TARS3: variants seen among roughly 807,000 people sequenced by gnomAD.
The protein encoded by TARS3 is threonyl-tRNA synthetase 3, also known as threonine--tRNA ligase 2, cytoplasmic.
TARS3 carries 94 observed loss-of-function variants against 103.5 expected under a neutral mutation model. That is an observed-to-expected ratio of 0.91 (90% CI 0.77 to 1.08). The LOEUF (loss-of-function observed/expected upper bound fraction) is 1.08, where lower values mean the gene tolerates loss of function less well. Among genes scored for constraint, TARS3 ranks in the 50% least tolerant of loss-of-function variants. The pLI is 0.00. For missense variants in TARS3, 952 were observed against 995.2 expected, an observed-to-expected ratio of 0.96 and a Z score of 0.58; for synonymous variants, 416 against 355.4, an observed-to-expected ratio of 1.17 and a Z score of -1.92.
At chr15:101,682,655 T>C (rs937516055) in intron 12 of TARS3, among the ~76,000 whole-genome samples, 2 of 152,194 alleles carry the variant, frequency 1.3e-5, no homozygotes, top group African/African-American at 4.8e-5. Flanking sequence ...ATTAGCTTCA[T>C]GAGGTGGTGA....
intron 3 of TARS3, among the ~76,000 whole-genome samples, chr15:101,719,279 G>A (rs1473327149): frequency 7.2e-5 from 11 of 152,230 alleles, no homozygotes; most frequent in African/African-American, 2.4e-5. Context: ...TGTGGTGTGA[G>A]CAGACTTGTC....
intron 4 of TARS3, among the ~76,000 whole-genome samples, chr15:101,712,741 G>C (rs962290618): frequency 1.3e-5 from 2 of 152,150 alleles, no homozygotes; most frequent in African/African-American, 4.8e-5. Flanking sequence ...AATAAATATA[G>C]GTACCAAAGG....
rs1230320318 is a variant in TARS3 at position 101,702,357 on chromosome 15, G to A, written c.1103C>T (p.Pro368Leu). The A allele has an allele frequency of 4.3e-6, 7 of 1,613,670 alleles. No homozygotes were observed. The East Asian group carries it at 8.9e-5, about 21-fold the overall frequency. Residue 368 changes from proline (P) to leucine (L), a missense_variant, in exon 9 of 19, where the codon CCG (proline) becomes CTG (leucine). Coordinates refer to ENST00000335968, the MANE Select transcript of TARS3 (RefSeq NM_152334.3). ...GATCCTCTGCAATGTTTCCATTTCCGGATTGCCCTCCCAATATGTTGAGGA... is the reference window on the plus strand; with the variant it reads ...GATCCTCTGCAATGTTTCCATTTCCAGATTGCCCTCCCAATATGTTGAGGA... ...KNSSTYWEGN[P>L]EMETLQRIYG... is the part of the protein sequence containing the mutation.
At chr15:101,712,188 C>T (rs879611776) in intron 4 of TARS3, among the ~76,000 whole-genome samples, 187 bp from the exon 5 acceptor site, 2 of 152,224 alleles carry the variant, frequency 1.3e-5, no homozygotes, top group Non-Finnish European at 2.9e-5. Flanking sequence ...CCCTCCCTGA[C>T]ATTCCACCGG....
In TARS3 at chr15:101,721,322, C is replaced by A; in HGVS notation, c.370G>T (p.Val124Leu). 1 of 1,606,928 alleles carries A rather than the reference C, an allele frequency of 6.2e-7. No homozygotes were observed. Among genetic ancestry groups the A allele is most frequent in the East Asian group, 2.2e-5 (1 of 44,700 alleles). ...TTTATGAAAATTGGTTGATGCTTCACCTGGAAATTATTAGAACATAATGAG... is the reference window on the plus strand; with the variant it reads ...TTTATGAAAATTGGTTGATGCTTCAACTGGAAATTATTAGAACATAATGAG... ...KMKESEADSEVKHQPIFIKER... is the reference protein window; with the variant it reads ...KMKESEADSELKHQPIFIKER... The change falls in exon 3 of 19, where the codon GTG becomes TTG. Residue 124 changes from valine to leucine, a missense_variant and splice_region_variant. Coordinates refer to ENST00000335968, the MANE Select transcript of TARS3 (RefSeq NM_152334.3).
chr15:101,660,351 C>A (rs1180992199), intron 16 of TARS3, among the ~76,000 whole-genome samples: 1 of 152,224 alleles, frequency 6.6e-6, no homozygotes, highest in African/African-American at 2.4e-5. Flanking sequence ...ATGTTGTCTG[C>A]CAGCTGGTGC....
chr15:101,718,768 G>T (rs1900296566), intron 3 of TARS3, among the ~76,000 whole-genome samples: 1 of 152,208 alleles, frequency 6.6e-6, no homozygotes, highest in African/African-American at 2.4e-5. Flanking sequence ...CTATCTAGAA[G>T]ATTCTTTAAG....
chr15:101,666,047 T>C (rs543548), intron 15 of TARS3, among the ~76,000 whole-genome samples: 53,145 of 152,046 alleles, frequency 0.35, 10,150 homozygotes, highest in Non-Finnish European at 0.44. Flanking sequence ...GGAGCAGTAA[T>C]GTTCTAATAT....
At chr15:101,668,609 G>C (rs980303722) in intron 15 of TARS3, among the ~76,000 whole-genome samples, 3 of 152,264 alleles carry the variant, frequency 2.0e-5, no homozygotes, top group Non-Finnish European at 4.4e-5. Context: ...TTGACACAGG[G>C]CTGCCACAAA....
intron 7 of TARS3, among the ~76,000 whole-genome samples, chr15:101,704,806 A>G (rs1048070549): frequency 3.3e-5 from 5 of 152,218 alleles, no homozygotes; most frequent in Admixed American, 3.3e-4. Flanking sequence ...CTCAAGCATT[A>G]GAAGCCAGAA....
intron 13 of TARS3, among the ~76,000 whole-genome samples, chr15:101,675,206 T>C (rs1897972247): frequency 6.6e-6 from 1 of 152,166 alleles, no homozygotes; most frequent in South Asian, 2.1e-4. Flanking sequence ...CGAAGGGGAC[T>C]ATGCACATCT....
At chr15:101,654,969 G>C (rs912892500) in intron 18 of TARS3, among the ~76,000 whole-genome samples, 3 of 152,326 alleles carry the variant, frequency 2.0e-5, no homozygotes, top group Admixed American at 6.5e-5. Context: ...GCAGATGAGA[G>C]GGGGGAGCTC....
intron 18 of TARS3, among the ~76,000 whole-genome samples, chr15:101,655,287 C>T (rs1189506371): frequency 1.4e-5 from 2 of 138,756 alleles, no homozygotes; most frequent in Non-Finnish European, 1.5e-5. Context: ...AGTGACTCCA[C>T]CTGGCACTAG....
chr15:101,698,999 C>G (rs1346708256), intron 10 of TARS3, among the ~76,000 whole-genome samples: 1 of 152,138 alleles, frequency 6.6e-6, no homozygotes, highest in Non-Finnish European at 1.5e-5. Context: ...CCGGCCCTAA[C>G]CCAGTGCAAT....
intron 6 of TARS3, among the ~76,000 whole-genome samples, chr15:101,706,759 TAAAG>T (rs975601724): frequency 2.0e-5 from 3 of 152,206 alleles, no homozygotes; most frequent in South Asian, 2.1e-4. Context: ...AATAACTACT[TAAAG>T]AAGCTAGTTG....
chr15:101,681,969 T>C (rs986872165), intron 12 of TARS3, among the ~76,000 whole-genome samples: 1 of 152,226 alleles, frequency 6.6e-6, no homozygotes, highest in Non-Finnish European at 1.5e-5. Context: ...GAAATGCATA[T>C]ACAATTCATT....
intron 5 of TARS3, among the ~76,000 whole-genome samples, chr15:101,710,143 AAAC>A (rs770793005): frequency 6.6e-6 from 1 of 152,174 alleles, no homozygotes; most frequent in Non-Finnish European, 1.5e-5. Flanking sequence ...TAAAATCCCT[AAAC>A]AACAAGATTC....
At chr15:101,703,175 A>C (rs553063803) in intron 8 of TARS3, among the ~76,000 whole-genome samples, 4 of 152,250 alleles carry the variant, frequency 2.6e-5, no homozygotes, top group Non-Finnish European at 4.4e-5. Context: ...TTACAACATC[A>C]TATCCCCTCC....
chr15:101,723,953 CG>C, intron 1 of TARS3, 137 bp downstream of exon 1: 7 of 801,488 alleles, frequency 8.7e-6, no homozygotes, highest in Non-Finnish European at 1.2e-5. Flanking sequence ...CAGGGCAGGG[CG>C]GGCCAGCCGC....
Sources: gnomAD v4.1 joint callset for allele counts (sites outside exome capture counted in the v4.1 genomes callset) on GRCh38, gnomAD v4.1.1 for gene constraint, MANE v1.5 for transcripts, NCBI Gene and HGNC (gene_info 2026-07-23, HGNC 2026-07-21) for gene names.